Variants in NR2C2 observed in about 807,000 individuals in gnomAD.
The protein encoded by NR2C2 is Nuclear hormone receptor TR4.
In NR2C2, 6 loss-of-function variants were observed where a neutral mutation model predicts 62.9. The ratio of observed to expected loss-of-function variants is 0.10; its 90% confidence interval spans 0.05 to 0.19. NR2C2 has a LOEUF of 0.19. Ranked by LOEUF, NR2C2 falls within the 10% of genes least tolerant of loss-of-function variation. The pLI, the probability that NR2C2 is intolerant of heterozygous loss-of-function variation, is 1.00. For missense variants in NR2C2, 479 were observed against 762.7 expected, an observed-to-expected ratio of 0.63 and a Z score of 4.38; for synonymous variants, 272 against 273.8, an observed-to-expected ratio of 0.99 and a Z score of 0.07.
At chr3:14,964,502 TC>T (rs1348683104) in intron 1 of NR2C2, among the ~76,000 whole-genome samples, 2,382 of 10,698 alleles carry the variant, frequency 0.22, 66 homozygotes, top group African/African-American at 0.47. Flanking sequence ...TTTTTTATTT[TC>T]TATTTTATAT....
chr3:15,028,568 GT>G lies in NR2C2; in HGVS notation c.799-17del. The G allele has an allele frequency of 1.2e-6, 2 of 1,605,630 alleles. No homozygotes were observed. The highest frequency in any genetic ancestry group is 1.7e-6 in the Non-Finnish European group (2 of 1,173,186). ...GTATCTGTGTTCATTTTTAATGTCA[GT>G]ATTTTTTGTTTAATAGGCTGAAACA... On this transcript the variant is annotated splice_polypyrimidine_tract_variant and intron_variant, in intron 7 of 13. Transcript: ENST00000425241.
rs2042391438 is a variant in NR2C2 at position 15,044,728 on chromosome 3, T to C, written c.*1720T>C. ...TGATCTGGCTCAGGCTGGCGCCACATGTGCTCCACAGGGGTGCAGTCTGGC... is the reference window on the plus strand; with the variant it reads ...TGATCTGGCTCAGGCTGGCGCCACACGTGCTCCACAGGGGTGCAGTCTGGC... On this transcript the variant is annotated 3_prime_UTR_variant, in exon 14 of 14. Transcript: ENST00000425241. 1 of 152,248 alleles carries C rather than the reference T, an allele frequency of 6.6e-6. No individual in the cohort carries two copies. Among genetic ancestry groups the C allele is most frequent in the South Asian group, 2.1e-4 (1 of 4,836 alleles). 9.4% of individuals were successfully genotyped at this position (152,248 alleles called of 1,614,324 possible). A position where few individuals can be genotyped will look rare whatever the true frequency, so the allele number is the denominator to read the frequency against.
At chr3:14,984,073 A>G (rs1574961865) in intron 1 of NR2C2, among the ~76,000 whole-genome samples, 1 of 151,964 alleles carries the variant, frequency 6.6e-6, no homozygotes, top group East Asian at 1.9e-4. Flanking sequence ...TTTTTAGTAG[A>G]GATGGGATTT....
At chr3:14,999,200 C>G (rs1295247894) in intron 1 of NR2C2, among the ~76,000 whole-genome samples, 1 of 152,168 alleles carries the variant, frequency 6.6e-6, no homozygotes, top group Non-Finnish European at 1.5e-5. Context: ...CCTATAATCT[C>G]AGCTACTCAG....
intron 3 of NR2C2, 118 bp downstream of exon 3, chr3:15,013,907 C>G: frequency 1.9e-6 from 2 of 1,048,186 alleles, no homozygotes; most frequent in Non-Finnish European, 2.9e-6. Flanking sequence ...TGGGGACCTG[C>G]AAACATGGCA....
At chr3:15,000,430 T>A (rs1193188830) in intron 1 of NR2C2, among the ~76,000 whole-genome samples, 2 of 152,214 alleles carry the variant, frequency 1.3e-5, no homozygotes, top group African/African-American at 4.8e-5. Flanking sequence ...ATGGACTTGT[T>A]GGTTGATTAT....
At chr3:15,031,096 C>G (rs2041967761) in intron 9 of NR2C2, among the ~76,000 whole-genome samples, 1 of 152,146 alleles carries the variant, frequency 6.6e-6, no homozygotes, top group Non-Finnish European at 1.5e-5. Context: ...CCTGGCTGCC[C>G]CATGGGCTCA....
intron 7 of NR2C2, among the ~76,000 whole-genome samples, chr3:15,028,085 C>T (rs932862963): frequency 6.6e-6 from 1 of 152,142 alleles, no homozygotes; most frequent in African/African-American, 2.4e-5. Flanking sequence ...GTCTTGAACC[C>T]CTGACCTCAG....
chr3:14,986,935 C>T (rs184141028), intron 1 of NR2C2, among the ~76,000 whole-genome samples: 1 of 152,222 alleles, frequency 6.6e-6, no homozygotes, highest in African/African-American at 2.4e-5. Context: ...TTTGTAATTG[C>T]AGAAGCAGCC....
chr3:15,024,551 T>C (rs541113099), intron 7 of NR2C2, among the ~76,000 whole-genome samples: 2 of 152,348 alleles, frequency 1.3e-5, no homozygotes, highest in South Asian at 4.1e-4. Flanking sequence ...AGATGGCCTT[T>C]TTGCAAAAGC....
chr3:14,983,370 A>G (rs2040427908), intron 1 of NR2C2, among the ~76,000 whole-genome samples: 1 of 151,626 alleles, frequency 6.6e-6, no homozygotes, highest in Admixed American at 6.6e-5. Flanking sequence ...TTGATCAGGT[A>G]ATGTGAATTA....
At chr3:14,950,433 A>G (rs917842182) in intron 1 of NR2C2, among the ~76,000 whole-genome samples, 16 of 152,056 alleles carry the variant, frequency 1.1e-4, no homozygotes, top group African/African-American at 3.6e-4. Flanking sequence ...AAGGCTTTTC[A>G]TTATTTTCTT....
At chr3:14,968,710 C>T (rs1206128303) in intron 1 of NR2C2, among the ~76,000 whole-genome samples, 2 of 143,324 alleles carry the variant, frequency 1.4e-5, no homozygotes, top group Non-Finnish European at 3.0e-5. Context: ...GCATTATTCA[C>T]AATAGCAAAG....
chr3:14,967,093 G>T (rs559438093), intron 1 of NR2C2, among the ~76,000 whole-genome samples: 2 of 152,192 alleles, frequency 1.3e-5, no homozygotes, highest in East Asian at 3.9e-4. Context: ...TCAGTAATTT[G>T]TCTTTTTGGG....
At chr3:14,985,007 T>A (rs1010363978) in intron 1 of NR2C2, among the ~76,000 whole-genome samples, 2 of 152,178 alleles carry the variant, frequency 1.3e-5, no homozygotes, top group Non-Finnish European at 2.9e-5. Context: ...TAATTGTAAT[T>A]TTAATTTGCA....
At chr3:14,949,391 A>T (rs967738511) in intron 1 of NR2C2, among the ~76,000 whole-genome samples, 1 of 152,256 alleles carries the variant, frequency 6.6e-6, no homozygotes, top group Non-Finnish European at 1.5e-5. Context: ...GAGGAAGAGC[A>T]TTTGATGTGA....
At chr3:15,032,967 C>CG (rs2042017365) in intron 10 of NR2C2, among the ~76,000 whole-genome samples, 1 of 151,032 alleles carries the variant, frequency 6.6e-6, no homozygotes, top group South Asian at 2.1e-4. Flanking sequence ...ACAGGAAACC[C>CG]CCCCCCCTTT....
At chr3:14,981,374 C>A in intron 1 of NR2C2, among the ~76,000 whole-genome samples, 1 of 152,110 alleles carries the variant, frequency 6.6e-6, no homozygotes, top group South Asian at 2.1e-4. Flanking sequence ...AAGGCCAAGG[C>A]GAGTGGATCA....
At chr3:14,964,261 T>C in intron 1 of NR2C2, among the ~76,000 whole-genome samples, 1 of 152,334 alleles carries the variant, frequency 6.6e-6, no homozygotes, top group Middle Eastern at 3.4e-3. Flanking sequence ...CTATACATAC[T>C]TTTAAGATTA....
Sources: gnomAD v4.1 joint callset for allele counts (sites outside exome capture counted in the v4.1 genomes callset) on GRCh38, gnomAD v4.1.1 for gene constraint, MANE v1.5 for transcripts, NCBI Gene and HGNC (gene_info 2026-07-23, HGNC 2026-07-21) for gene names.